DCBLD1: variants seen among roughly 807,000 people sequenced by gnomAD.
The protein encoded by DCBLD1 is discoidin, CUB and LCCL domain containing 1.
In DCBLD1, 57 loss-of-function variants were observed where a neutral mutation model predicts 71.5. That is an observed-to-expected ratio of 0.80 (90% CI 0.64 to 0.99). DCBLD1 has a LOEUF of 0.99. Ranked by LOEUF, DCBLD1 falls within the 50% of genes least tolerant of loss-of-function variation. The pLI, the probability that DCBLD1 is intolerant of heterozygous loss-of-function variation, is 0.00. For synonymous variants in DCBLD1, 380 were observed against 363.8 expected, an observed-to-expected ratio of 1.04 and a Z score of -0.51; for missense variants, 891 against 923.5, an observed-to-expected ratio of 0.96 and a Z score of 0.46.
At chr6:117,540,637 A>G (rs1779059554) in intron 9 of DCBLD1, 31 bp from the exon 10 acceptor site, 1 of 1,613,528 alleles carries the variant, frequency 6.2e-7, no homozygotes, top group Admixed American at 1.7e-5. Context: ...CACTAATAGA[A>G]TCTTAAGGTA....
chr6:117,493,603 T>A (rs1487993198), intron 1 of DCBLD1, among the ~76,000 whole-genome samples: 1 of 152,210 alleles, frequency 6.6e-6, no homozygotes, highest in Non-Finnish European at 1.5e-5. Context: ...GTTATGCTGC[T>A]CAGCAGTAAT....
chr6:117,537,662 C>CTTTTTTTTTTTT (rs68032011), intron 7 of DCBLD1, among the ~76,000 whole-genome samples: 4 of 46,876 alleles, frequency 8.5e-5, no homozygotes, highest in African/African-American at 3.8e-4. Flanking sequence ...TACATAGCAC[C>CTTTTTTTTTTTT]TTTTTTTTTT....
intron 2 of DCBLD1, among the ~76,000 whole-genome samples, chr6:117,505,175 T>G (rs762136816): frequency 6.6e-6 from 1 of 152,238 alleles, no homozygotes; most frequent in Non-Finnish European, 1.5e-5. Flanking sequence ...GATGGTAGTT[T>G]CCATATAATT....
chr6:117,498,845 A>C (rs952375826), intron 1 of DCBLD1, among the ~76,000 whole-genome samples: 1 of 152,164 alleles, frequency 6.6e-6, no homozygotes, highest in Non-Finnish European at 1.5e-5. Flanking sequence ...TGTAGCCTCA[A>C]TGCCATTATC....
intron 1 of DCBLD1, among the ~76,000 whole-genome samples, chr6:117,500,402 G>A (rs1221366304): frequency 6.6e-6 from 1 of 152,178 alleles, no homozygotes; most frequent in African/African-American, 2.4e-5. Context: ...GATAGTTAAT[G>A]GAAGAGAGAA....
intron 1 of DCBLD1, among the ~76,000 whole-genome samples, chr6:117,495,069 G>T (rs1777425543): frequency 1.3e-5 from 2 of 152,124 alleles, no homozygotes; most frequent in Admixed American, 6.6e-5. Context: ...ATAACCCCCT[G>T]GTAAACCACC....
At chr6:117,537,067 G>A (rs1360322383) in intron 6 of DCBLD1, 118 bp from the exon 7 acceptor site, 1 of 946,652 alleles carries the variant, frequency 1.1e-6, no homozygotes, top group Non-Finnish European at 1.7e-6. Flanking sequence ...GGGGTGTTGT[G>A]AGGATCATGT....
rs1778392307 is a variant in DCBLD1 at position 117,521,661 on chromosome 6, C to T, written c.512+85C>T. ...TCACGTTAAACCAGATACGTTTGTA[C>T]TTAAAGCTCTTTTTACCATTCATGT... On this transcript the variant is annotated intron_variant, in intron 4 of 14. Transcript: ENST00000338728. 6 of 1,166,632 alleles carry T rather than the reference C, an allele frequency of 5.1e-6. No individual in the cohort carries two copies. In the South Asian group the frequency reaches 8.5e-5, roughly 17 times the overall value. 72.3% of individuals were successfully genotyped at this position (1,166,632 alleles called of 1,614,324 possible).
chr6:117,515,521 C>T (rs1778165440), intron 2 of DCBLD1, among the ~76,000 whole-genome samples: 1 of 152,212 alleles, frequency 6.6e-6, no homozygotes, highest in East Asian at 1.9e-4. Flanking sequence ...CAAGTGTCTT[C>T]ACCCCTCTTA....
At chr6:117,529,161 C>A (rs753662236) in intron 5 of DCBLD1, among the ~76,000 whole-genome samples, 5 of 152,052 alleles carry the variant, frequency 3.3e-5, no homozygotes, top group Non-Finnish European at 7.4e-5. Context: ...GTTTAATAGA[C>A]TTTATGGTGA....
chr6:117,499,294 C>T (rs746336043), intron 1 of DCBLD1, among the ~76,000 whole-genome samples: 1 of 146,218 alleles, frequency 6.8e-6, no homozygotes, highest in Admixed American at 6.8e-5. Flanking sequence ...GTAGTTCCAG[C>T]TACTTGGGAG....
intron 1 of DCBLD1, among the ~76,000 whole-genome samples, chr6:117,490,678 T>G (rs1381322059): frequency 1.3e-5 from 2 of 150,194 alleles, no homozygotes; most frequent in Admixed American, 1.3e-4. Context: ...TATTAGACTA[T>G]TTGGAGTTTA....
chr6:117,547,775 G>A (rs1369908072), intron 14 of DCBLD1, 132 bp from the exon 15 acceptor site: 2 of 1,539,224 alleles, frequency 1.3e-6, no homozygotes, highest in African/African-American at 1.4e-5. Context: ...GTTTTCCGCA[G>A]TGCCTGGGAC....
intron 14 of DCBLD1, chr6:117,567,069 A>G: frequency 6.9e-7 from 1 of 1,451,090 alleles, no homozygotes; most frequent in Non-Finnish European, 9.2e-7. Context: ...AAGTCAAGTT[A>G]TTGTAATTGT....
At chr6:117,488,821 G>T (rs1401764908) in intron 1 of DCBLD1, among the ~76,000 whole-genome samples, 1 of 152,146 alleles carries the variant, frequency 6.6e-6, no homozygotes, top group African/African-American at 2.4e-5. Flanking sequence ...TAGGGTATCA[G>T]GGGCCTACTT....
chr6:117,569,571 C>T, intron 14 of DCBLD1: 1 of 1,612,284 alleles, frequency 6.2e-7, no homozygotes, highest in Non-Finnish European at 8.5e-7. Flanking sequence ...AGGGAATTTA[C>T]CTGCTGAGAA....
At chr6:117,493,272 C>CT (rs1178293172) in intron 1 of DCBLD1, among the ~76,000 whole-genome samples, 2 of 152,102 alleles carry the variant, frequency 1.3e-5, no homozygotes, top group Admixed American at 6.6e-5. Context: ...TTTCCAGGCC[C>CT]TGCATTTTGA....
chr6:117,532,526 G>A (rs1006782614), intron 6 of DCBLD1, 133 bp downstream of exon 6: 4 of 1,174,318 alleles, frequency 3.4e-6, no homozygotes, highest in Non-Finnish European at 4.6e-6. Flanking sequence ...ATATGCATGA[G>A]TGCTTAGAGC....
intron 2 of DCBLD1, 33 bp downstream of exon 2, chr6:117,504,012 C>A: frequency 6.2e-7 from 1 of 1,609,522 alleles, no homozygotes; most frequent in East Asian, 2.2e-5. Flanking sequence ...CTCTGAGCAT[C>A]AAAATTTTTG....
Sources: gnomAD v4.1 joint callset for allele counts (sites outside exome capture counted in the v4.1 genomes callset) on GRCh38, gnomAD v4.1.1 for gene constraint, MANE v1.5 for transcripts, NCBI Gene and HGNC (gene_info 2026-07-23, HGNC 2026-07-21) for gene names.